The following FZR1 variants were observed in gnomAD, a reference collection of about 807,000 sequenced individuals.
FZR1 encodes fizzy and cell division cycle 20 related 1.
In FZR1, 11 loss-of-function variants were observed where a neutral mutation model predicts 63.6. The observed-to-expected ratio is 0.17, with a 90% CI of 0.11 to 0.29. The LOEUF (loss-of-function observed/expected upper bound fraction) is 0.29. Ranked by LOEUF, FZR1 falls within the 10% of genes least tolerant of loss-of-function variation. The pLI is 1.00. For missense variants in FZR1, 440 were observed against 687.5 expected (o/e 0.64, Z 4.03); for synonymous variants, 328 against 297.9 (o/e 1.10, Z -1.04).
intron 10 of FZR1, 105 bp downstream of exon 10, chr19:3,532,200 A>G: frequency 9.0e-7 from 1 of 1,112,948 alleles, no homozygotes; most frequent in East Asian, 2.6e-5. Flanking sequence ...CGCGGGGCCC[A>G]CTCCACAGCC....
rs969751737 is a variant in FZR1 at position 3,516,248 on chromosome 19, C to T, written c.-34-6708C>T. ...GCCCACAGCCTCCCCCACCGTCTGA[C>T]GGGCGGGAGGGTGGTGTCCTCGGTT... On this transcript the variant is annotated intron_variant, in intron 1 of 13. Transcript: ENST00000441788. This position sits in a 1 kb window ranked among gnomAD's most constrained non-coding sequence, Gnocchi z 6.0. 5.9e-5 allele frequency among the ~76,000 whole-genome samples: 9 copies of T among 152,210 alleles called. No individual in the cohort carries two copies. Among genetic ancestry groups the T allele is most frequent in the South Asian group, 2.1e-4 (1 of 4,828 alleles).
At chr19:3,530,019 TGGATGGGAGAGTGGATGGGTGAGC>T (rs2083223444) in intron 7 of FZR1, among the ~76,000 whole-genome samples, 2 of 96,584 alleles carry the variant, frequency 2.1e-5, no homozygotes, top group Non-Finnish European at 4.1e-5. Flanking sequence ...GATGGGTGAG[TGGATGGGAGAGTGGATGGGTGAGC>T]GGATGGGAGA....
intron 7 of FZR1, among the ~76,000 whole-genome samples, chr19:3,529,725 T>C (rs80204200): frequency 0.11 from 7,491 of 67,596 alleles, 1,092 homozygotes; most frequent in African/African-American, 0.33. Flanking sequence ...GATGGGAGAG[T>C]GGATGGGAGA....
intron 8 of FZR1, among the ~76,000 whole-genome samples, chr19:3,531,418 C>T (rs2083245665): frequency 6.6e-6 from 1 of 152,232 alleles, no homozygotes; most frequent in Non-Finnish European, 1.5e-5. Context: ...ACCTGGAGCT[C>T]AGTGTCTGCA....
chr19:3,529,700 G>A (rs557306521), intron 7 of FZR1, among the ~76,000 whole-genome samples: 10 of 139,356 alleles, frequency 7.2e-5, no homozygotes, highest in African/African-American at 2.3e-4. Context: ...GGATGGTTGA[G>A]CGGATGGGAG....
At chr19:3,507,449 G>A (rs964300583) in intron 1 of FZR1, among the ~76,000 whole-genome samples, 3 of 151,632 alleles carry the variant, frequency 2.0e-5, no homozygotes, top group Non-Finnish European at 4.4e-5. Flanking sequence ...CAGATGTTCA[G>A]CCTAAATCTG....
Position 3,510,236 on chromosome 19 carries a change from A to T in FZR1, c.-35+3762A>T, listed in dbSNP as rs554883542. 3.7e-4 allele frequency among the ~76,000 whole-genome samples: 57 copies of T among 152,236 alleles called. 1 individual carries two copies. Among genetic ancestry groups the T allele is most frequent in the Admixed American group, 3.0e-3 (46 of 15,288 alleles). ...ACTGCAGCCTCGACCTTCCAGCCTC[A>T]GGTAATCTGCCCACCTCAGTCTCCC... On this transcript the variant is annotated intron_variant, in intron 1 of 13. Transcript: ENST00000441788.
chr19:3,520,741 G>A (rs137928125), intron 1 of FZR1, among the ~76,000 whole-genome samples: 165 of 152,342 alleles, frequency 1.1e-3, no homozygotes, highest in African/African-American at 3.8e-3. Context: ...CCGGGAGCTC[G>A]TCAGAGGCCA....
rs764010712 is a variant in FZR1, at chr19:3,527,665, C to T, written c.505C>T (p.Arg169Cys). The T allele has an allele frequency of 9.3e-6, 15 of 1,611,212 alleles. No homozygotes were observed. The highest frequency in any genetic ancestry group is 2.2e-5 in the South Asian group (2 of 91,084). Residue 169 changes from arginine (R) to cysteine (C), a missense_variant, in exon 7 of 14, where the codon CGC becomes TGC. Coordinates refer to ENST00000441788, the MANE Select transcript of FZR1 (RefSeq NM_016263.4). ...KLLRSPRKPT[R>C]KISKIPFKVL... ...GCTCCGGTCCCCCCGGAAACCCACC[C>T]GCAAGATCTCCAAGATCCCCTTCAA...
At chr19:3,518,087 T>C (rs2083072261) in intron 1 of FZR1, among the ~76,000 whole-genome samples, 2 of 150,068 alleles carry the variant, frequency 1.3e-5, no homozygotes, top group East Asian at 2.0e-4. Flanking sequence ...CGATCTCTGC[T>C]CACTGCAACC....
intron 2 of FZR1, 39 bp downstream of exon 2, chr19:3,523,097 T>C (rs2121946854): frequency 3.2e-6 from 4 of 1,238,100 alleles, no homozygotes; most frequent in Non-Finnish European, 1.2e-6. Flanking sequence ...TGGCTCCCCC[T>C]CCCCCAGCTG....
At position 3,537,315 on chromosome 19, in the gene FZR1, C is replaced by T. The variant is rs542240011; in HGVS notation, c.*2479C>T. ...AGGTGCCTCTGCTGTCAGCTCCACC[C>T]GACAGGCAGACGAAGGCCAGTGGGG... is the stretch of plus-strand genomic sequence containing the variant. On this transcript the variant is annotated 3_prime_UTR_variant, in exon 14 of 14. Transcript: ENST00000441788. 13 of 152,246 alleles carry T rather than the reference C, an allele frequency of 8.5e-5. No homozygotes were observed. The highest frequency in any genetic ancestry group is 2.7e-4 in the African/African-American group (11 of 41,420). 9.4% of individuals were successfully genotyped at this position (152,246 alleles called of 1,614,324 possible).
intron 1 of FZR1, among the ~76,000 whole-genome samples, chr19:3,510,712 T>C (rs2083018229): frequency 6.6e-6 from 1 of 152,100 alleles, no homozygotes. Flanking sequence ...ACTCTTCCAC[T>C]TAAGGATCCC....
chr19:3,529,926 G>A lies in FZR1; in HGVS notation c.655-866G>A, dbSNP rs189531979. On this transcript the variant is annotated intron_variant, in intron 7 of 13. Coordinates refer to ENST00000441788, the MANE Select transcript of FZR1 (RefSeq NM_016263.4). ...TGGTTGAGGGAGCGGATGGGTGAGCGGATGGGAGAGCGCATGGGTGAGCAG... is the reference window on the plus strand; with the variant it reads ...TGGTTGAGGGAGCGGATGGGTGAGCAGATGGGAGAGCGCATGGGTGAGCAG... Among the ~76,000 whole-genome samples the A allele has an allele frequency of 2.9e-3, 334 of 113,368 alleles. 27 individuals are homozygous for A. Among genetic ancestry groups the A allele is most frequent in the African/African-American group, 9.9e-3 (311 of 31,510 alleles). 74.4% of individuals were successfully genotyped at this position (113,368 alleles called of 152,430 possible). A position where few individuals can be genotyped will look rare whatever the true frequency, so the allele number is the denominator to read the frequency against.
chr19:3,531,265 C>G (rs904963141), intron 8 of FZR1, among the ~76,000 whole-genome samples: 2 of 152,182 alleles, frequency 1.3e-5, no homozygotes, highest in African/African-American at 2.4e-5. Context: ...CAGAGCTGCC[C>G]AGGGCTGCCC....
At chr19:3,512,048 C>T (rs2122111634) in intron 1 of FZR1, among the ~76,000 whole-genome samples, 1 of 152,264 alleles carries the variant, frequency 6.6e-6, no homozygotes, top group Admixed American at 6.5e-5. Flanking sequence ...CCGGGAGCCC[C>T]ATTTCTCTGA....
Position 3,514,153 on chromosome 19 carries a change from C to T in FZR1, c.-35+7679C>T, listed in dbSNP as rs911839137. Among the ~76,000 whole-genome samples, 2 of 152,144 alleles carry T rather than the reference C, an allele frequency of 1.3e-5. No individual in the cohort carries two copies. Among genetic ancestry groups the T allele is most frequent in the East Asian group, 1.9e-4 (1 of 5,176 alleles). On this transcript the variant is annotated intron_variant, in intron 1 of 13. Coordinates refer to ENST00000441788, the MANE Select transcript of FZR1 (RefSeq NM_016263.4). This position sits in a 1 kb window ranked among gnomAD's most constrained non-coding sequence, Gnocchi z 4.2. ...ACGGCAGACAGCCCCTCACGCTTTG[C>T]GTCCCCACTCAGGGACACCTCAAAG...
intron 6 of FZR1, 109 bp downstream of exon 6, chr19:3,527,171 G>A (rs547652866): frequency 1.8e-5 from 16 of 876,154 alleles, no homozygotes; most frequent in South Asian, 1.7e-4. Context: ...CCTGGTGGGC[G>A]AGGCTGAAGG....
chr19:3,517,226 C>CA (rs1336723662), intron 1 of FZR1, among the ~76,000 whole-genome samples: 1 of 151,876 alleles, frequency 6.6e-6, no homozygotes, highest in Non-Finnish European at 1.5e-5. Context: ...TCCATCTCTA[C>CA]AAAAAATACA....
Sources: allele counts gnomAD v4.1 joint callset (sites outside exome capture counted in the v4.1 genomes callset), GRCh38; gene constraint gnomAD v4.1.1; non-coding constraint Gnocchi (gnomAD v3.1); transcripts MANE v1.5; gene names NCBI Gene and HGNC (gene_info 2026-07-23, HGNC 2026-07-21).